The following HS3ST5 variants were observed in gnomAD, a reference collection of about 807,000 sequenced individuals.
HS3ST5 encodes the protein heparan sulfate-glucosamine 3-sulfotransferase 5, also known as heparan sulfate glucosamine 3-O-sulfotransferase 5.
HS3ST5 carries 10 observed loss-of-function variants against 25.4 expected under a neutral mutation model. The ratio of observed to expected loss-of-function variants is 0.39; its 90% confidence interval spans 0.24 to 0.67. The LOEUF is 0.67. HS3ST5 is among the 30% of genes least tolerant of loss of function. The pLI, the probability that HS3ST5 is intolerant of heterozygous loss-of-function variation, is 0.44. For synonymous variants in HS3ST5, 170 were observed against 162.4 expected, an observed-to-expected ratio of 1.05 and a Z score of -0.36; for missense variants, 324 against 420.7, an observed-to-expected ratio of 0.77 and a Z score of 2.01.
chr6:114,206,361 G>A (rs1025959307), intron 2 of HS3ST5, among the ~76,000 whole-genome samples: 1 of 152,254 alleles, frequency 6.6e-6, no homozygotes, highest in Non-Finnish European at 1.5e-5. Flanking sequence ...GAAACTGTCT[G>A]AATGAAGCTA....
chr6:114,070,053 T>C (rs1773720063), intron 3 of HS3ST5, among the ~76,000 whole-genome samples: 1 of 152,128 alleles, frequency 6.6e-6, no homozygotes, highest in Non-Finnish European at 1.5e-5. Context: ...ACGCAAGCAG[T>C]GTACACTGTA....
chr6:114,279,226 T>C (rs1402977376), intron 1 of HS3ST5, among the ~76,000 whole-genome samples: 1 of 152,002 alleles, frequency 6.6e-6, no homozygotes, highest in Admixed American at 6.6e-5. Flanking sequence ...AAAGCAGGAA[T>C]GTATTTCTGT....
At chr6:114,243,057 G>A (rs552615231) in intron 1 of HS3ST5, among the ~76,000 whole-genome samples, 1 of 152,160 alleles carries the variant, frequency 6.6e-6, no homozygotes, top group Non-Finnish European at 1.5e-5. Flanking sequence ...TATCCAAGGA[G>A]GAGGATGAGA....
intron 3 of HS3ST5, among the ~76,000 whole-genome samples, chr6:114,158,248 G>A (rs1021382550): frequency 5.3e-5 from 8 of 152,242 alleles, no homozygotes; most frequent in African/African-American, 1.9e-4. Flanking sequence ...ATAAATATTT[G>A]TGGAAATATT....
intron 2 of HS3ST5, among the ~76,000 whole-genome samples, chr6:114,191,060 A>G (rs1780477371): frequency 6.6e-6 from 1 of 152,224 alleles, no homozygotes; most frequent in East Asian, 1.9e-4. Flanking sequence ...AACTGTTGAC[A>G]TGTGTCCTTG....
intron 1 of HS3ST5, among the ~76,000 whole-genome samples, chr6:114,241,309 A>G (rs757787771): frequency 2.6e-5 from 4 of 152,162 alleles, no homozygotes; most frequent in Non-Finnish European, 5.9e-5. Context: ...GGGCAGTTCC[A>G]AGTTTAATCA....
At chr6:114,108,803 T>C (rs1187902912) in intron 3 of HS3ST5, among the ~76,000 whole-genome samples, 1 of 152,188 alleles carries the variant, frequency 6.6e-6, no homozygotes, top group African/African-American at 2.4e-5. Flanking sequence ...TGTCAAAACT[T>C]ATCAAATTGT....
At chr6:114,062,000 T>TA (rs1289874882) in intron 4 of HS3ST5, among the ~76,000 whole-genome samples, 1 of 152,134 alleles carries the variant, frequency 6.6e-6, no homozygotes. Flanking sequence ...TTTCAGAAAT[T>TA]AACTTCTCTG....
chr6:114,161,553 AT>A (rs1272358644), intron 3 of HS3ST5, among the ~76,000 whole-genome samples: 2 of 101,298 alleles, frequency 2.0e-5, no homozygotes, highest in African/African-American at 3.6e-5. Flanking sequence ...ATATATATAT[AT>A]ATATATATAT....
rs571761311 is a variant in HS3ST5, at chr6:114,162,408, G to A, written c.-33+5943C>T. Among the ~76,000 whole-genome samples the A allele has an allele frequency of 2.6e-5, 4 of 152,174 alleles. No homozygotes were observed. The East Asian group carries it at 7.7e-4, about 29-fold the overall frequency. ...CTCTTACATTAATTTCTTTCCTTCT[G>A]TTCCTGTTATCACTTCTGCCCAGAA... is the stretch of plus-strand genomic sequence containing the variant. On this transcript the variant is annotated intron_variant, in intron 3 of 4. Coordinates refer to ENST00000312719, the MANE Select transcript of HS3ST5 (RefSeq NM_153612.4).
In HS3ST5 at chr6:114,329,333, T is replaced by C. The variant is rs1582820036; in HGVS notation, c.-339+12862A>G. Among the ~76,000 whole-genome samples, 3 of 152,234 alleles carry C rather than the reference T, an allele frequency of 2.0e-5. No homozygotes were observed. In the East Asian group the frequency reaches 5.8e-4, roughly 29 times the overall value. On this transcript the variant is annotated intron_variant, in intron 1 of 4. Transcript: ENST00000312719. ...AAAAGAAATTCATGGTGTTTGCATG[T>C]AATATTAATTTATCTAACTGATTCT...
At chr6:114,063,408 G>C (rs1428431750) in intron 3 of HS3ST5, among the ~76,000 whole-genome samples, 1 of 151,906 alleles carries the variant, frequency 6.6e-6, no homozygotes, top group Non-Finnish European at 1.5e-5. Flanking sequence ...CCAGCTGCTA[G>C]GGAGGCTGAG....
At chr6:114,130,626 G>A (rs897843604) in intron 3 of HS3ST5, among the ~76,000 whole-genome samples, 4 of 152,112 alleles carry the variant, frequency 2.6e-5, no homozygotes, top group African/African-American at 9.7e-5. Context: ...CTGGAGTACA[G>A]TGGCGCAATC....
intron 3 of HS3ST5, among the ~76,000 whole-genome samples, chr6:114,091,414 A>G (rs1192884547): frequency 6.6e-6 from 1 of 152,102 alleles, no homozygotes; most frequent in Non-Finnish European, 1.5e-5. Context: ...GCAGTGGCTC[A>G]TGCCTGTAAT....
intron 3 of HS3ST5, among the ~76,000 whole-genome samples, chr6:114,133,988 C>G (rs1458188013): frequency 6.6e-6 from 1 of 151,702 alleles, no homozygotes; most frequent in African/African-American, 2.4e-5. Context: ...GAGAGAGAGA[C>G]AGAAAGAGAG....
intron 3 of HS3ST5, among the ~76,000 whole-genome samples, chr6:114,161,575 A>ATATATATATATATATATAT (rs60732374): frequency 3.7e-5 from 4 of 107,820 alleles, no homozygotes; most frequent in Non-Finnish European, 5.7e-5. Flanking sequence ...ATATATATAT[A>ATATATATATATATATATAT]AAATGCAATG....
At chr6:114,224,740 T>C (rs1782210650) in intron 2 of HS3ST5, among the ~76,000 whole-genome samples, 1 of 151,182 alleles carries the variant, frequency 6.6e-6, no homozygotes, top group South Asian at 2.1e-4. Context: ...TTCTGTTGTG[T>C]CTTTCCTAAT....
chr6:114,259,778 G>A (rs967926501), intron 1 of HS3ST5, among the ~76,000 whole-genome samples: 2 of 152,144 alleles, frequency 1.3e-5, no homozygotes, highest in African/African-American at 2.4e-5. Flanking sequence ...TGTAGACATA[G>A]AAATATGTCT....
At chr6:114,319,614 T>C (rs1040755644) in intron 1 of HS3ST5, among the ~76,000 whole-genome samples, 1 of 152,146 alleles carries the variant, frequency 6.6e-6, no homozygotes, top group African/African-American at 2.4e-5. Context: ...AGAGTATAAA[T>C]ATCTTGCTTT....
Sources: allele counts gnomAD v4.1 joint callset (sites outside exome capture counted in the v4.1 genomes callset), GRCh38; gene constraint gnomAD v4.1.1; transcripts MANE v1.5; gene names NCBI Gene and HGNC (gene_info 2026-07-23, HGNC 2026-07-21).